Variants in LRP8 observed in about 807,000 individuals in gnomAD.
LRP8 encodes the protein low-density lipoprotein receptor-related protein 8.
Under a neutral mutation model 111.6 loss-of-function variants are expected in LRP8, and 46 were observed. The observed-to-expected ratio is 0.41, with a 90% CI of 0.33 to 0.53. LRP8 has a LOEUF of 0.53. Among genes scored for constraint, LRP8 ranks in the 20% least tolerant of loss-of-function variants. LRP8 has a pLI of 0.20. For missense variants in LRP8, 959 were observed against 1,297.4 expected (o/e 0.74, Z 4.01); for synonymous variants, 464 against 511.2 (o/e 0.91, Z 1.24).
intron 15 of LRP8, among the ~76,000 whole-genome samples, chr1:53,255,602 G>C (rs544310316): frequency 6.6e-6 from 1 of 152,276 alleles, no homozygotes; most frequent in South Asian, 2.1e-4. Context: ...TGCTTTGCCA[G>C]TATTGTTTTT....
At chr1:53,261,453 C>T (rs916459361) in intron 12 of LRP8, among the ~76,000 whole-genome samples, 1 of 152,174 alleles carries the variant, frequency 6.6e-6, no homozygotes, top group Non-Finnish European at 1.5e-5. Flanking sequence ...CTTTGCTTTC[C>T]CTCCCCTTGG....
chr1:53,327,720 G>A (rs1465401362), intron 1 of LRP8, 69 bp downstream of exon 1: 22 of 1,376,628 alleles, frequency 1.6e-5, no homozygotes, highest in African/African-American at 6.0e-5. Context: ...TCCCCGCTCC[G>A]GCCTCCCGGC....
In LRP8 at chr1:53,276,362, C is replaced by T. The variant is rs570652864; in HGVS notation, c.883+330G>A. 1.3e-3 allele frequency among the ~76,000 whole-genome samples: 150 copies of T among 116,508 alleles called. 1 individual carries two copies. Among genetic ancestry groups the T allele is most frequent in the Admixed American group, 2.7e-3 (25 of 9,274 alleles). 76.4% of individuals were successfully genotyped at this position (116,508 alleles called of 152,430 possible). A position where few individuals can be genotyped will look rare whatever the true frequency, so the allele number is the denominator to read the frequency against. ...GGCCTTGAGGAATGAGCAGGCCTAGCGGGTAAAGAGATGGGGGGAGCTCCT... is the reference window on the plus strand; with the variant it reads ...GGCCTTGAGGAATGAGCAGGCCTAGTGGGTAAAGAGATGGGGGGAGCTCCT... On this transcript the variant is annotated intron_variant, in intron 5 of 18. Transcript: ENST00000306052.
chr1:53,304,213 G>A (rs1420490592), intron 2 of LRP8, among the ~76,000 whole-genome samples: 1 of 152,218 alleles, frequency 6.6e-6, no homozygotes, highest in African/African-American at 2.4e-5. Flanking sequence ...AACCCCCAAA[G>A]AGAGTGTGAT....
At position 53,243,181 on chromosome 1, in the gene LRP8, T is replaced by C. The variant is rs754561374; in HGVS notation, c.*3837A>G. ...GAGTGTATGGCTGGAGTTCGGGGGG[T>C]AGGGTGGAGAGGCTTGCATTCCTGT... On this transcript the variant is annotated 3_prime_UTR_variant, in exon 19 of 19. Transcript: ENST00000306052. 2 of 152,098 alleles carry C rather than the reference T, an allele frequency of 1.3e-5. No individual in the cohort carries two copies. The highest frequency in any genetic ancestry group is 2.9e-5 in the Non-Finnish European group (2 of 68,026). 9.4% of individuals were successfully genotyped at this position (152,098 alleles called of 1,614,324 possible). A position where few individuals can be genotyped will look rare whatever the true frequency, so the allele number is the denominator to read the frequency against.
In LRP8 at chr1:53,266,204, G is replaced by C. The variant is rs925689003; in HGVS notation, c.1427+269C>G. 7.9e-5 allele frequency among the ~76,000 whole-genome samples: 12 copies of C among 152,162 alleles called. No individual in the cohort carries two copies. Among genetic ancestry groups the C allele is most frequent in the African/African-American group, 2.7e-4 (11 of 41,428 alleles). On this transcript the variant is annotated intron_variant, in intron 9 of 18. Coordinates refer to ENST00000306052, the MANE Select transcript of LRP8 (RefSeq NM_004631.5). The surrounding 1 kb of genome is among the most constrained non-coding windows in gnomAD (Gnocchi z 5.0). ...TTTCTGCCCTGGCCAAACAGTTCCT[G>C]TGTCTTGTGCTTCCATATTAGGCCT...
chr1:53,277,126 G>T, intron 4 of LRP8, 48 bp from the exon 5 acceptor site: 1 of 1,403,796 alleles, frequency 7.1e-7, no homozygotes, highest in South Asian at 1.5e-5. Flanking sequence ...CTCCCCGGCC[G>T]ACCTGGGGCC....
At chr1:53,307,240 G>A (rs1267026045) in intron 2 of LRP8, 1 of 152,266 alleles carries the variant, frequency 6.6e-6, no homozygotes, top group Non-Finnish European at 1.5e-5. Context: ...CCAGTTTTGG[G>A]TTTTCCCATC....
rs1164619708 is a variant in LRP8 at position 53,266,684 on chromosome 1, G to A, written c.1253-37C>T. 5 of 1,598,224 alleles carry A rather than the reference G, an allele frequency of 3.1e-6. No individual in the cohort carries two copies. The highest frequency in any genetic ancestry group is 4.3e-6 in the Non-Finnish European group (5 of 1,167,074). ...GGAGGTTGAAAGAGAAAGAGTCAGTGCAAGAGGCAGGGAGCCTGGAGACCA... is the reference window on the plus strand; with the variant it reads ...GGAGGTTGAAAGAGAAAGAGTCAGTACAAGAGGCAGGGAGCCTGGAGACCA... On this transcript the variant is annotated intron_variant, in intron 8 of 18. Coordinates refer to ENST00000306052, the MANE Select transcript of LRP8 (RefSeq NM_004631.5). The surrounding 1 kb of genome is among the most constrained non-coding windows in gnomAD (Gnocchi z 5.0).
At chr1:53,272,544 C>A (rs1646791796) in intron 6 of LRP8, 11 of 1,282,330 alleles carry the variant, frequency 8.6e-6, no homozygotes, top group Non-Finnish European at 1.1e-5. Flanking sequence ...CCAGGCCATG[C>A]ACAGCTATGG....
intron 2 of LRP8, among the ~76,000 whole-genome samples, chr1:53,322,249 C>G (rs1251735289): frequency 6.6e-6 from 1 of 152,206 alleles, no homozygotes; most frequent in East Asian, 1.9e-4. Context: ...CAGGAGGCGA[C>G]AGCTGGGATG....
chr1:53,303,548 A>G lies in LRP8; in HGVS notation c.245-13859T>C, dbSNP rs1053487579. ...TAAGATAGTCTTCGAATCACAGAAC[A>G]GAATCTCCCTGTCTCAGGATCTGAG... On this transcript the variant is annotated intron_variant, in intron 2 of 18. Coordinates refer to ENST00000306052, the MANE Select transcript of LRP8 (RefSeq NM_004631.5). The surrounding 1 kb of genome is among the most constrained non-coding windows in gnomAD (Gnocchi z 4.3). 6.6e-6 allele frequency among the ~76,000 whole-genome samples: 1 copy of G among 152,270 alleles called. No individual in the cohort carries two copies. Among genetic ancestry groups the G allele is most frequent in the African/African-American group, 2.4e-5 (1 of 41,476 alleles).
rs1298481329 is a variant in LRP8, at chr1:53,293,141, C to A, written c.245-3452G>T. On this transcript the variant is annotated intron_variant, in intron 2 of 18. Transcript: ENST00000306052. This position sits in a 1 kb window ranked among gnomAD's most constrained non-coding sequence, Gnocchi z 4.9. ...GGGCACAGGACAACCAGATACCCCC[C>A]AAAAACCCTGCCCTCCCTGGGATTC... Among the ~76,000 whole-genome samples the A allele has an allele frequency of 2.0e-5, 3 of 152,212 alleles. No homozygotes were observed. Among genetic ancestry groups the A allele is most frequent in the African/African-American group, 7.2e-5 (3 of 41,454 alleles).
In LRP8 at chr1:53,262,456, T is replaced by A; in HGVS notation, c.1764A>T (p.Gly588=). 1 of 1,614,000 alleles carries A rather than the reference T, an allele frequency of 6.2e-7. No homozygotes were observed. The change falls in exon 11 of 19, where the codon GGA becomes GGT. Residue 588 remains glycine, a synonymous_variant. Coordinates refer to ENST00000306052, the MANE Select transcript of LRP8 (RefSeq NM_004631.5). The surrounding 1 kb of genome is among the most constrained non-coding windows in gnomAD (Gnocchi z 4.8). ...AAAGGCAGGGCTCACCCAGGGTGAT[T>A]CCGTTGGGCCATTCAATATTGTCTG... ...LVSDNIEWPN[G]ITLDLLSQRL...
intron 2 of LRP8, among the ~76,000 whole-genome samples, chr1:53,319,384 C>T (rs956587071): frequency 4.6e-5 from 7 of 152,276 alleles, no homozygotes; most frequent in South Asian, 2.1e-4. Context: ...CCACATGCCA[C>T]GTTCCAAGGG....
At chr1:53,283,459 CATACCCGGGCCACTTACT>C (rs1460749517) in intron 3 of LRP8, among the ~76,000 whole-genome samples, 3 of 147,404 alleles carry the variant, frequency 2.0e-5, no homozygotes, top group Non-Finnish European at 4.5e-5. Context: ...TTACTTACTA[CATACCCGGGCCACTTACT>C]TACTACATAC....
chr1:53,275,829 A>G lies in LRP8; in HGVS notation c.884-76T>C. 2 of 1,536,054 alleles carry G rather than the reference A, an allele frequency of 1.3e-6. No individual in the cohort carries two copies. Among genetic ancestry groups the G allele is most frequent in the Non-Finnish European group, 1.8e-6 (2 of 1,136,544 alleles). On this transcript the variant is annotated intron_variant, in intron 5 of 18. Transcript: ENST00000306052. The surrounding 1 kb of genome is among the most constrained non-coding windows in gnomAD (Gnocchi z 4.4). ...CAATTTCCCCACCACCCCAATCCCC[A>G]TGCCATAGCCACCCCCAGCAAAAAC...
chr1:53,296,278 ATTG>A (rs1158362516), intron 2 of LRP8, among the ~76,000 whole-genome samples: 1 of 152,186 alleles, frequency 6.6e-6, no homozygotes, highest in East Asian at 1.9e-4. Flanking sequence ...CCAGCTCAAC[ATTG>A]TTGTTCAGCA....
At position 53,249,525 on chromosome 1, in the gene LRP8, G is replaced by GC. The variant is rs751524089; in HGVS notation, c.2707dup (p.Ala903GlyfsTer56). 1 of 1,611,298 alleles carries GC rather than the reference G, an allele frequency of 6.2e-7. No homozygotes were observed. The highest frequency in any genetic ancestry group is 1.1e-5 in the South Asian group (1 of 90,734). On this transcript the variant is annotated frameshift_variant, in exon 18 of 19. Coordinates refer to ENST00000306052, the MANE Select transcript of LRP8 (RefSeq NM_004631.5). LOFTEE classifies it high-confidence loss of function. This position sits in a 1 kb window ranked among gnomAD's most constrained non-coding sequence, Gnocchi z 4.1. ...TCTGGTCTCCCCAAGACAGGGCTCT[G>GC]CCCACAGTGGGCGATCAAAGCTGCT...
Sources: gnomAD v4.1 joint callset for allele counts (sites outside exome capture counted in the v4.1 genomes callset) on GRCh38, gnomAD v4.1.1 for gene constraint, Gnocchi (gnomAD v3.1) non-coding constraint, MANE v1.5 for transcripts, NCBI Gene and HGNC (gene_info 2026-07-23, HGNC 2026-07-21) for gene names.